The following MICAL3 variants were observed in gnomAD, a reference collection of about 807,000 sequenced individuals.
The protein encoded by MICAL3 is [F-actin]-monooxygenase MICAL3.
MICAL3 carries 62 observed loss-of-function variants against 207.4 expected under a neutral mutation model. That is an observed-to-expected ratio of 0.30 (90% CI 0.24 to 0.37). MICAL3 has a LOEUF of 0.37. MICAL3 is among the 10% of genes least tolerant of loss of function. The pLI, the probability that MICAL3 is intolerant of heterozygous loss-of-function variation, is 1.00. For missense variants in MICAL3, 2,368 were observed against 2,635.6 expected, an observed-to-expected ratio of 0.90 and a Z score of 2.22; for synonymous variants, 1,077 against 1,069.3, an observed-to-expected ratio of 1.01 and a Z score of -0.14.
intron 16 of MICAL3, among the ~76,000 whole-genome samples, chr22:17,882,692 T>C (rs953011843): frequency 1.3e-5 from 2 of 152,344 alleles, no homozygotes; most frequent in African/African-American, 4.8e-5. Context: ...CAAATCCCTA[T>C]TGGATATCCC....
intron 11 of MICAL3, among the ~76,000 whole-genome samples, chr22:17,892,452 AT>A (rs1930470949): frequency 6.6e-6 from 1 of 152,224 alleles, no homozygotes; most frequent in Non-Finnish European, 1.5e-5. Flanking sequence ...GTACTAAGTC[AT>A]TTAGTAATTT....
At chr22:17,885,388 G>A (rs991156237) in intron 16 of MICAL3, among the ~76,000 whole-genome samples, 5 of 152,016 alleles carry the variant, frequency 3.3e-5, no homozygotes, top group African/African-American at 9.7e-5. Flanking sequence ...GAACGCCTAC[G>A]GTTAAATGAA....
At chr22:17,910,301 G>C (rs1932034688) in intron 1 of MICAL3, among the ~76,000 whole-genome samples, 1 of 152,140 alleles carries the variant, frequency 6.6e-6, no homozygotes, top group Non-Finnish European at 1.5e-5. Flanking sequence ...CAACCCCATG[G>C]CTGGTTGTCA....
chr22:17,976,533 A>ATGTGTGTGTGTGTGTGTGTGTG lies in MICAL3; in HGVS notation c.-75+47747_-75+47748insCACACACACACACACACACACA, dbSNP rs1278243661. Among the ~76,000 whole-genome samples, 11 of 115,554 alleles carry ATGTGTGTGTGTGTGTGTGTGTG rather than the reference A, an allele frequency of 9.5e-5. 1 individual carries two copies. The highest frequency in any genetic ancestry group is 3.5e-4 in the African/African-American group (10 of 28,530). 75.8% of individuals were successfully genotyped at this position (115,554 alleles called of 152,430 possible). On this transcript the variant is annotated intron_variant, in intron 1 of 31. Transcript: ENST00000441493. ...AATATACATGTATATATGTGTATAT[A>ATGTGTGTGTGTGTGTGTGTGTG]TATGTGTGTGTGTGTGTGTGTGTGT...
chr22:17,833,781 T>C (rs1433934168), intron 20 of MICAL3, among the ~76,000 whole-genome samples: 3 of 152,176 alleles, frequency 2.0e-5, no homozygotes, highest in Admixed American at 2.0e-4. Context: ...TCATTGCCTA[T>C]GTAATAAAAA....
chr22:17,803,442 C>T (rs1009867280), intron 29 of MICAL3: 2 of 152,074 alleles, frequency 1.3e-5, no homozygotes, highest in Non-Finnish European at 2.9e-5. Context: ...AGGCAGTGAG[C>T]TCCCTAGCAG....
intron 1 of MICAL3, among the ~76,000 whole-genome samples, chr22:17,929,563 CTTTT>C (rs1272693640): frequency 3.1e-5 from 3 of 95,610 alleles, no homozygotes; most frequent in African/African-American, 4.7e-5. Flanking sequence ...CTTTCCTTTT[CTTTT>C]CTTTTTTTTT....
chr22:18,000,932 C>G lies in MICAL3; in HGVS notation c.-75+23349G>C, dbSNP rs574271972. Among the ~76,000 whole-genome samples, 14 of 152,242 alleles carry G rather than the reference C, an allele frequency of 9.2e-5. No individual in the cohort carries two copies. The East Asian group carries it at 2.1e-3, about 23-fold the overall frequency. Reference sequence around the variant, plus strand: ...GCCTCGGCCCGGAGCCTGCGGACTCCGGTAAAGACAGAGACCTCCCCCGCC... The same window carrying G: ...GCCTCGGCCCGGAGCCTGCGGACTCGGGTAAAGACAGAGACCTCCCCCGCC... On this transcript the variant is annotated intron_variant, in intron 1 of 31. Transcript: ENST00000441493.
At chr22:17,987,854 C>T (rs773266824) in intron 1 of MICAL3, among the ~76,000 whole-genome samples, 10 of 152,200 alleles carry the variant, frequency 6.6e-5, no homozygotes, top group Admixed American at 1.3e-4. Context: ...TGGGGTCAAA[C>T]GATCAAATCT....
chr22:18,004,513 G>C (rs374049107), intron 1 of MICAL3: 11 of 152,160 alleles, frequency 7.2e-5, no homozygotes, highest in African/African-American at 2.7e-4. Context: ...CACCCGCCTC[G>C]GCCTCCCAAA....
At position 17,818,263 on chromosome 22, in the gene MICAL3, G is replaced by A. The variant is rs767115049; in HGVS notation, c.4398C>T (p.Gly1466=). The A allele has an allele frequency of 2.3e-5, 31 of 1,352,178 alleles. No individual in the cohort carries two copies. The highest frequency in any genetic ancestry group is 6.0e-5 in the African/African-American group (4 of 66,314). The allele number at this position is 1,352,178 out of a possible 1,614,324, so 83.8% of individuals were successfully genotyped here. Residue 1466 remains glycine (G), a synonymous_variant, in exon 26 of 32, where the codon GGC becomes GGT. Transcript: ENST00000441493. ...TCCTCCGCAAGGTGGCGGGCTCCTC[G>A]CCCGGGGGTGGCGGTGGGGGCGGGC... ...PSSPPPPPPP[G]EEPATLRRKL...
At chr22:17,861,469 C>T in intron 19 of MICAL3, 1 of 985,484 alleles carries the variant, frequency 1.0e-6, no homozygotes. Context: ...CTGTTCCTTT[C>T]CGGCTATGCC....
intron 29 of MICAL3, among the ~76,000 whole-genome samples, chr22:17,804,490 A>AGTCTCTT (rs2061970415): frequency 1.3e-5 from 2 of 152,340 alleles, no homozygotes; most frequent in Admixed American, 6.5e-5. Context: ...TAACAACAGG[A>AGTCTCTT]AACGAGCAGA....
chr22:17,901,821 A>G lies in MICAL3; in HGVS notation c.691+57T>C. 9 of 1,344,650 alleles carry G rather than the reference A, an allele frequency of 6.7e-6. No homozygotes were observed. In the Middle Eastern group the frequency reaches 1.1e-3, roughly 162 times the overall value. The allele number at this position is 1,344,650 out of a possible 1,614,324, so 83.3% of individuals were successfully genotyped here. A position where few individuals can be genotyped will look rare whatever the true frequency, so the allele number is the denominator to read the frequency against. On this transcript the variant is annotated intron_variant, in intron 5 of 31. Coordinates refer to ENST00000441493, the MANE Select transcript of MICAL3 (RefSeq NM_015241.3). ...TCACGCACAGTCTCGCCCCAGAGGT[A>G]GGATAGCATCAGCTTTCCCTCTGCT... is the stretch of plus-strand genomic sequence containing the variant.
At chr22:17,917,910 G>T (rs1275152403) in intron 1 of MICAL3, among the ~76,000 whole-genome samples, 8 of 152,224 alleles carry the variant, frequency 5.3e-5, no homozygotes, top group Admixed American at 2.0e-4. Flanking sequence ...CCTGGCAGAG[G>T]TAAGCCCAGC....
intron 1 of MICAL3, among the ~76,000 whole-genome samples, chr22:18,014,848 C>T (rs1923953903): frequency 6.6e-6 from 1 of 152,018 alleles, no homozygotes; most frequent in Admixed American, 6.6e-5. Flanking sequence ...AAAAAATTAG[C>T]CAGGCGTGGT....
At chr22:17,905,320 T>C (rs1391124906) in intron 2 of MICAL3, among the ~76,000 whole-genome samples, 1 of 152,066 alleles carries the variant, frequency 6.6e-6, no homozygotes, top group Non-Finnish European at 1.5e-5. Context: ...CGGGAAGCAA[T>C]TTTCAAGAGC....
At position 17,818,795 on chromosome 22, in the gene MICAL3, GT is replaced by G; in HGVS notation, c.3865del (p.Thr1289HisfsTer41). Reference sequence around the variant, plus strand: ...AGGGAGAGGGGCCAGTGGGGTGGATGTTTTGGCCGGGGCAGGCTGGAAGCGT... The same window carrying G: ...AGGGAGAGGGGCCAGTGGGGTGGATGTTTGGCCGGGGCAGGCTGGAAGCGT... ...PIRFQPAPAK[T>X]STPLAPLPVQ... is the part of the protein sequence containing the mutation. On this transcript the variant is annotated frameshift_variant, in exon 26 of 32. Coordinates refer to ENST00000441493, the MANE Select transcript of MICAL3 (RefSeq NM_015241.3). LOFTEE classifies it high-confidence loss of function. 2 of 1,572,652 alleles carry G rather than the reference GT, an allele frequency of 1.3e-6. No homozygotes were observed. Among genetic ancestry groups the G allele is most frequent in the East Asian group, 2.3e-5 (1 of 44,274 alleles).
Position 17,841,988 on chromosome 22 carries a change from TG to T in MICAL3, c.2634del (p.Ser879AlafsTer6). The T allele has an allele frequency of 1.2e-6, 2 of 1,605,134 alleles. No individual in the cohort carries two copies. Reference sequence around the variant, plus strand: ...GTGCCCCTCAGTCGCTTGGCGATGCTGGGCTCCTCCAGGCCGTTCACGCCTG... The same window carrying T: ...GTGCCCCTCAGTCGCTTGGCGATGCTGGCTCCTCCAGGCCGTTCACGCCTG... ...PGSGVNGLEEPSIAKRLRGTP... is the reference protein window; with the variant it reads ...PGSGVNGLEEXSIAKRLRGTP... On this transcript the variant is annotated frameshift_variant, in exon 20 of 32. Coordinates refer to ENST00000441493, the MANE Select transcript of MICAL3 (RefSeq NM_015241.3). LOFTEE classifies it high-confidence loss of function. The surrounding 1 kb of genome is among the most constrained non-coding windows in gnomAD (Gnocchi z 4.2).
Sources: gnomAD v4.1 joint callset for allele counts (sites outside exome capture counted in the v4.1 genomes callset) on GRCh38, gnomAD v4.1.1 for gene constraint, Gnocchi (gnomAD v3.1) non-coding constraint, MANE v1.5 for transcripts, NCBI Gene and HGNC (gene_info 2026-07-23, HGNC 2026-07-21) for gene names.